The following NCOR2 variants were observed in gnomAD, a reference collection of about 807,000 sequenced individuals.
NCOR2 encodes the protein CTG repeat protein 26.
NCOR2 carries 81 observed loss-of-function variants against 262.9 expected under a neutral mutation model. That is an observed-to-expected ratio of 0.31 (90% CI 0.26 to 0.37). The LOEUF is 0.37. Ranked by LOEUF, NCOR2 falls within the 10% of genes least tolerant of loss-of-function variation. The pLI is 1.00. For missense variants in NCOR2, 3,385 were observed against 3,621.4 expected (o/e 0.93, Z 1.68); for synonymous variants, 1,659 against 1,559.3 (o/e 1.06, Z -1.51).
intron 18 of NCOR2, among the ~76,000 whole-genome samples, chr12:124,376,611 G>C (rs542769810): frequency 6.6e-6 from 1 of 152,296 alleles, no homozygotes; most frequent in East Asian, 1.9e-4. Context: ...CAGTGTCCCT[G>C]ACCCGCCCCC....
At chr12:124,327,534 T>C (rs1390609603) in exon 45 of NCOR2, 2 of 1,613,896 alleles carry the variant, frequency 1.2e-6, no homozygotes, top group Admixed American at 1.7e-5. Context: ...CTCTTCCCAC[T>C]GGTCATATTT....
intron 6 of NCOR2, among the ~76,000 whole-genome samples, chr12:124,453,730 A>T (rs1217544282): frequency 2.0e-5 from 3 of 152,094 alleles, no homozygotes; most frequent in African/African-American, 7.2e-5. Context: ...GGAAGCAATG[A>T]CTCAAAGCGG....
intron 1 of NCOR2, among the ~76,000 whole-genome samples, chr12:124,493,211 C>T (rs1170349022): frequency 1.3e-5 from 2 of 152,212 alleles, no homozygotes; most frequent in Non-Finnish European, 2.9e-5. Context: ...GAGCAGAGGC[C>T]ACAGCAGCCT....
At chr12:124,477,142 C>T (rs909112103) in intron 3 of NCOR2, among the ~76,000 whole-genome samples, 1 of 152,180 alleles carries the variant, frequency 6.6e-6, no homozygotes, top group African/African-American at 2.4e-5. Flanking sequence ...CCACCCAAAT[C>T]TCATCTTGAA....
chr12:124,437,721 C>T (rs1018586534), intron 8 of NCOR2, among the ~76,000 whole-genome samples: 1 of 152,064 alleles, frequency 6.6e-6, no homozygotes, highest in Non-Finnish European at 1.5e-5. Context: ...GCCATAGAGC[C>T]CCCCCACCCC....
At chr12:124,347,977 G>A (rs1310461475) in intron 29 of NCOR2, 66 bp from the exon 32 acceptor site, 3 of 1,511,208 alleles carry the variant, frequency 2.0e-6, no homozygotes, top group East Asian at 2.5e-5. Flanking sequence ...AGTGACAGGG[G>A]TCAGTGTTTA....
exon 47 of NCOR2, chr12:124,325,376 C>CGCG: frequency 1.9e-5 from 8 of 426,498 alleles, no homozygotes; most frequent in Non-Finnish European, 2.4e-5. Flanking sequence ...GACCTGACAC[C>CGCG]GCCCCCCCCC....
At chr12:124,447,669 C>T (rs947374383) in intron 7 of NCOR2, among the ~76,000 whole-genome samples, 7 of 151,214 alleles carry the variant, frequency 4.6e-5, no homozygotes, top group African/African-American at 1.5e-4. Flanking sequence ...TTTAGATTCG[C>T]TGGTATTTTC....
intron 44 of NCOR2, 142 bp from the exon 47 acceptor site, chr12:124,327,775 T>A: frequency 1.6e-6 from 1 of 627,912 alleles, no homozygotes; most frequent in South Asian, 1.9e-5. Flanking sequence ...GTGAGCACAT[T>A]TCGGCAAAGC....
At chr12:124,338,242 G>A (rs372864964) in intron 37 of NCOR2, among the ~76,000 whole-genome samples, 3 of 152,240 alleles carry the variant, frequency 2.0e-5, no homozygotes, top group South Asian at 4.1e-4. Flanking sequence ...GTGCGGTGGC[G>A]CACGCCTGTA....
intron 4 of NCOR2, among the ~76,000 whole-genome samples, chr12:124,466,848 G>A (rs368675291): frequency 6.6e-6 from 1 of 152,116 alleles, no homozygotes; most frequent in African/African-American, 2.4e-5. Context: ...TGGAAAATGG[G>A]GATAAAAGAG....
intron 3 of NCOR2, among the ~76,000 whole-genome samples, chr12:124,479,384 AAC>A (rs893413332): frequency 5.3e-5 from 8 of 150,548 alleles, no homozygotes; most frequent in Non-Finnish European, 1.2e-4. Context: ...CACACACACA[AAC>A]ACGCATGGAC....
chr12:124,474,512 T>C (rs2046996595), intron 3 of NCOR2, among the ~76,000 whole-genome samples: 1 of 152,138 alleles, frequency 6.6e-6, no homozygotes, highest in East Asian at 1.9e-4. Context: ...ACCCAGGCTG[T>C]GCTGGAAACA....
chr12:124,502,342 C>T (rs1022345876), intron 1 of NCOR2, among the ~76,000 whole-genome samples: 3 of 152,210 alleles, frequency 2.0e-5, no homozygotes, highest in African/African-American at 7.2e-5. Context: ...CCAAATCCCC[C>T]ACCTCGTGAA....
intron 5 of NCOR2, among the ~76,000 whole-genome samples, chr12:124,465,941 A>G (rs980874213): frequency 6.6e-6 from 1 of 152,220 alleles, no homozygotes; most frequent in Non-Finnish European, 1.5e-5. Context: ...CTGACCAGCC[A>G]CAGTCCACAC....
chr12:124,530,892 G>A (rs1402953795), intron 1 of NCOR2, among the ~76,000 whole-genome samples: 1 of 152,234 alleles, frequency 6.6e-6, no homozygotes, highest in Non-Finnish European at 1.5e-5. Context: ...TGTGGACAGA[G>A]CTGGCCAGGA....
chr12:124,424,873 C>T (rs2043442915), intron 11 of NCOR2, among the ~76,000 whole-genome samples: 1 of 152,210 alleles, frequency 6.6e-6, no homozygotes, highest in East Asian at 1.9e-4. Flanking sequence ...CCTGGCCAAG[C>T]ACAGAGGCCT....
In NCOR2 at chr12:124,503,701, TG is replaced by T. The variant is rs1427481448; in HGVS notation, c.-117-8334del. ...ATGGATGGATGGATGGATGGATGGATGGATGGATGGACAGACGAATGGATGG... is the reference window on the plus strand; with the variant it reads ...ATGGATGGATGGATGGATGGATGGATGATGGATGGACAGACGAATGGATGG... On this transcript the variant is annotated intron_variant, in intron 1 of 46. Coordinates refer to the NCOR2 transcript ENST00000404621. This position sits in a 1 kb window ranked among gnomAD's most constrained non-coding sequence, Gnocchi z 4.3. Among the ~76,000 whole-genome samples, 5 of 148,014 alleles carry T rather than the reference TG, an allele frequency of 3.4e-5. No homozygotes were observed. The East Asian group carries it at 1.0e-3, about 30-fold the overall frequency.
rs546381644 is a variant in NCOR2 at position 124,481,721 on chromosome 12, T to C, written c.411+1875A>G. Reference sequence around the variant, plus strand: ...TGGATCACGCCGGACCTGCAGCCCATGGCAAGGATTTTGGCTTTTTCCTGC... The same window carrying C: ...TGGATCACGCCGGACCTGCAGCCCACGGCAAGGATTTTGGCTTTTTCCTGC... On this transcript the variant is annotated intron_variant, in intron 3 of 46. Transcript: ENST00000405201. This position sits in a 1 kb window ranked among gnomAD's most constrained non-coding sequence, Gnocchi z 4.6. Among the ~76,000 whole-genome samples the C allele has an allele frequency of 4.6e-5, 7 of 152,116 alleles. No individual in the cohort carries two copies. The highest frequency in any genetic ancestry group is 1.3e-4 in the Admixed American group (2 of 15,298).
Sources: allele counts gnomAD v4.1 joint callset (sites outside exome capture counted in the v4.1 genomes callset), GRCh38; gene constraint gnomAD v4.1.1; non-coding constraint Gnocchi (gnomAD v3.1); transcripts MANE v1.5; gene names NCBI Gene and HGNC (gene_info 2026-07-23, HGNC 2026-07-21).